KATNAL2: variants seen among roughly 807,000 people sequenced by gnomAD.
The protein encoded by KATNAL2 is katanin p60 ATPase-containing subunit A-like 2.
Under a neutral mutation model 76.3 loss-of-function variants are expected in KATNAL2, and 52 were observed. That is an observed-to-expected ratio of 0.68 (90% confidence interval 0.55 to 0.86). The LOEUF (loss-of-function observed/expected upper bound fraction) is 0.86. Among genes scored for constraint, KATNAL2 ranks in the 40% least tolerant of loss-of-function variants. KATNAL2 has a pLI of 0.00. For synonymous variants in KATNAL2, 243 were observed against 244.2 expected, an observed-to-expected ratio of 1.00 and a Z score of 0.05; for missense variants, 660 against 668.9, an observed-to-expected ratio of 0.99 and a Z score of 0.15.
chr18:46,942,954 A>C (rs2059288620), intron 1 of KATNAL2, among the ~76,000 whole-genome samples: 1 of 152,114 alleles, frequency 6.6e-6, no homozygotes, highest in South Asian at 2.1e-4. Flanking sequence ...CAGGCAGATA[A>C]GTTACTTGCA....
At chr18:46,961,094 C>A (rs1480178139) in intron 3 of KATNAL2, among the ~76,000 whole-genome samples, 1 of 152,258 alleles carries the variant, frequency 6.6e-6, no homozygotes, top group Non-Finnish European at 1.5e-5. Flanking sequence ...AATGCTTCCT[C>A]ATACAATGTC....
At chr18:46,944,359 T>TA (rs1349000768) in intron 1 of KATNAL2, among the ~76,000 whole-genome samples, 1 of 152,096 alleles carries the variant, frequency 6.6e-6, no homozygotes, top group Admixed American at 6.6e-5. Flanking sequence ...TTAATACAAA[T>TA]AAAAAACGCG....
chr18:47,066,032 C>A (rs1014234305), intron 10 of KATNAL2, among the ~76,000 whole-genome samples: 2 of 151,256 alleles, frequency 1.3e-5, no homozygotes, highest in African/African-American at 4.8e-5. Context: ...AAAAATGAAC[C>A]TCCTATGGTG....
chr18:46,924,083 G>C (rs2058657054), intron 1 of KATNAL2, among the ~76,000 whole-genome samples: 1 of 152,174 alleles, frequency 6.6e-6, no homozygotes, highest in Non-Finnish European at 1.5e-5. Context: ...AGTTTAATTA[G>C]ATTCCATTTG....
At chr18:47,096,469 G>A (rs1288801333) in intron 15 of KATNAL2, among the ~76,000 whole-genome samples, 1 of 152,116 alleles carries the variant, frequency 6.6e-6, no homozygotes, top group African/African-American at 2.4e-5. Context: ...AGCCTCTCAA[G>A]TAGCTGAGAC....
At chr18:47,075,247 T>G in intron 13 of KATNAL2, 30 bp from the exon 14 acceptor site, 1 of 1,530,438 alleles carries the variant, frequency 6.5e-7, no homozygotes, top group Admixed American at 2.3e-5. Context: ...TCTATAAGCT[T>G]GAACACTTGC....
At chr18:47,084,828 G>GACAGAGCA (rs1170029079) in intron 15 of KATNAL2, among the ~76,000 whole-genome samples, 1 of 113,272 alleles carries the variant, frequency 8.8e-6, no homozygotes, top group Non-Finnish European at 1.7e-5. Context: ...CAGCCTGGAT[G>GACAGAGCA]ACAGAGCAAG....
chr18:47,032,424 C>G (rs1289405894), intron 3 of KATNAL2: 2 of 165,628 alleles, frequency 1.2e-5, no homozygotes, highest in African/African-American at 2.4e-5. Context: ...GTTTTGATAT[C>G]TTTTGCAGAG....
At position 47,077,307 on chromosome 18, in the gene KATNAL2, G is replaced by A. The variant is rs367833374; in HGVS notation, c.1101-44G>A. On this transcript the variant is annotated intron_variant, in intron 14 of 17. Transcript: ENST00000683218. ...TGAATGCTGCTCTTGTCATGAGGGC[G>A]AAGGCTCTGACACTTAGGAGAATCA... 6.1e-5 allele frequency: 88 copies of A among 1,443,728 alleles called. No individual in the cohort carries two copies. The African/African-American group carries it at 8.2e-4, about 14-fold the overall frequency. The allele number at this position is 1,443,728 out of a possible 1,614,324, so 89.4% of individuals were successfully genotyped here. A position where few individuals can be genotyped will look rare whatever the true frequency, so the allele number is the denominator to read the frequency against.
intron 13 of KATNAL2, among the ~76,000 whole-genome samples, chr18:47,072,310 A>G (rs2147216563): frequency 6.6e-6 from 1 of 152,230 alleles, no homozygotes; most frequent in South Asian, 2.1e-4. Flanking sequence ...AAAAAAAAGT[A>G]TAAGAGGATA....
intron 8 of KATNAL2, among the ~76,000 whole-genome samples, chr18:47,061,370 G>T (rs1274085474): frequency 2.6e-5 from 4 of 152,166 alleles, no homozygotes; most frequent in Non-Finnish European, 4.4e-5. Context: ...AACAAGAAGG[G>T]AGGGAGATGA....
At chr18:46,957,886 C>T (rs1308263911) in intron 3 of KATNAL2, among the ~76,000 whole-genome samples, 3 of 151,842 alleles carry the variant, frequency 2.0e-5, no homozygotes, top group Admixed American at 1.3e-4. Flanking sequence ...TTAGTAGAGA[C>T]GGGGTTTCAC....
chr18:46,941,139 C>A (rs1242536107), intron 1 of KATNAL2, among the ~76,000 whole-genome samples: 1 of 152,070 alleles, frequency 6.6e-6, no homozygotes, highest in Non-Finnish European at 1.5e-5. Flanking sequence ...GCTTGGCCAA[C>A]ATGGTGAAAC....
chr18:47,033,666 A>C (rs773610963), intron 3 of KATNAL2: 3 of 1,614,204 alleles, frequency 1.9e-6, no homozygotes, highest in Non-Finnish European at 2.5e-6. Flanking sequence ...GCACCTGGGC[A>C]CACTGCTGGC....
At chr18:46,948,133 CAG>C (rs1212304367) in intron 3 of KATNAL2, among the ~76,000 whole-genome samples, 3 of 152,122 alleles carry the variant, frequency 2.0e-5, no homozygotes, top group African/African-American at 2.4e-5. Context: ...TTTTTGGAGA[CAG>C]AGTCTTGCTC....
intron 15 of KATNAL2, among the ~76,000 whole-genome samples, chr18:47,096,208 T>A (rs1173598010): frequency 6.6e-6 from 1 of 152,072 alleles, no homozygotes; most frequent in African/African-American, 2.4e-5. Flanking sequence ...TGTTTTCAGT[T>A]TAAAAAGAAA....
intron 3 of KATNAL2, among the ~76,000 whole-genome samples, chr18:46,955,144 T>C (rs12962328): frequency 1.0e-4 from 5 of 48,264 alleles, no homozygotes; most frequent in African/African-American, 2.0e-4. Flanking sequence ...CTCTCTCTCT[T>C]TCTTTCTTTC....
chr18:46,922,354 C>A (rs1271279393), intron 1 of KATNAL2, among the ~76,000 whole-genome samples: 1 of 152,044 alleles, frequency 6.6e-6, no homozygotes, highest in Non-Finnish European at 1.5e-5. Context: ...ACCTTGGCCT[C>A]CCAAAGTGCT....
At chr18:46,949,663 G>A (rs2059491990) in intron 3 of KATNAL2, among the ~76,000 whole-genome samples, 2 of 152,276 alleles carry the variant, frequency 1.3e-5, no homozygotes, top group Middle Eastern at 3.4e-3. Context: ...CGTAATTCTG[G>A]GGGTTATCCT....
Sources: gnomAD v4.1 joint callset for allele counts (sites outside exome capture counted in the v4.1 genomes callset) on GRCh38, gnomAD v4.1.1 for gene constraint, MANE v1.5 for transcripts, NCBI Gene and HGNC (gene_info 2026-07-23, HGNC 2026-07-21) for gene names.